The following IQSEC1 variants were observed in gnomAD, a reference collection of about 807,000 sequenced individuals.
IQSEC1 encodes IQ motif and SEC7 domain-containing protein 1.
In IQSEC1, 31 loss-of-function variants were observed where a neutral mutation model predicts 91.0. The observed-to-expected ratio is 0.34, with a 90% CI of 0.26 to 0.46. IQSEC1 has a LOEUF of 0.46. Ranked by LOEUF, IQSEC1 falls within the 20% of genes least tolerant of loss-of-function variation. The pLI is 1.00. For missense variants in IQSEC1, 1,388 were observed against 1,575.6 expected, an observed-to-expected ratio of 0.88 and a Z score of 2.02; for synonymous variants, 699 against 662.6, an observed-to-expected ratio of 1.05 and a Z score of -0.84.
At position 12,979,942 on chromosome 3, in the gene IQSEC1, G is replaced by A. The variant is rs919423408; in HGVS notation, c.24-38077C>T. ...ATACTCAAGCGAGAAATGATTTCCC[G>A]ACTACCTGAGGTGGGGGAAGGCAGC... On this transcript the variant is annotated intron_variant, in intron 1 of 13. Coordinates refer to ENST00000613206, the MANE Select transcript of IQSEC1 (RefSeq NM_001134382.3). This position sits in a 1 kb window ranked among gnomAD's most constrained non-coding sequence, Gnocchi z 4.3. 6.6e-6 allele frequency among the ~76,000 whole-genome samples: 1 copy of A among 152,188 alleles called. No homozygotes were observed. The highest frequency in any genetic ancestry group is 1.5e-5 in the Non-Finnish European group (1 of 68,034).
intron 2 of IQSEC1, among the ~76,000 whole-genome samples, chr3:13,157,085 G>A (rs935239000): frequency 3.9e-5 from 6 of 152,212 alleles, no homozygotes; most frequent in Non-Finnish European, 8.8e-5. Flanking sequence ...AGTCCTCACT[G>A]TCCCAAACAC....
intron 1 of IQSEC1, among the ~76,000 whole-genome samples, chr3:13,245,234 C>T (rs953624080): frequency 1.3e-4 from 20 of 152,168 alleles, no homozygotes; most frequent in African/African-American, 4.6e-4. Context: ...GGTGAGAAGA[C>T]TTGGCTCTCC....
intron 2 of IQSEC1, among the ~76,000 whole-genome samples, chr3:13,163,156 A>AC (rs1707208572): frequency 6.6e-6 from 1 of 151,508 alleles, no homozygotes; most frequent in Admixed American, 6.6e-5. Flanking sequence ...AAGATTCAGC[A>AC]CCCCCTGTGC....
intron 1 of IQSEC1, among the ~76,000 whole-genome samples, chr3:13,180,377 C>T (rs544982505): frequency 0.032 from 4,802 of 151,970 alleles, 245 homozygotes; most frequent in African/African-American, 0.11. Flanking sequence ...TGTGTCCACA[C>T]TCTGTATCTA....
chr3:13,215,576 C>T (rs187303699), intron 1 of IQSEC1, among the ~76,000 whole-genome samples: 1 of 152,302 alleles, frequency 6.6e-6, no homozygotes, highest in East Asian at 1.9e-4. Flanking sequence ...CCTCTTTGGT[C>T]CTGGGGCCGA....
chr3:12,901,161 TGTGCGTGCTGGATGTGCTGGG>T lies in IQSEC1; in HGVS notation c.3146_3166del (p.Pro1049_Ala1055del). 1 of 1,542,946 alleles carries T rather than the reference TGTGCGTGCTGGATGTGCTGGG, an allele frequency of 6.5e-7. No individual in the cohort carries two copies. The highest frequency in any genetic ancestry group is 8.7e-7 in the Non-Finnish European group (1 of 1,144,282). On this transcript the variant is annotated inframe_deletion, in exon 14 of 14. Coordinates refer to ENST00000613206, the MANE Select transcript of IQSEC1 (RefSeq NM_001134382.3). ...CCCATGGGGGCCGTGGTGGTACTGG[TGTGCGTGCTGGATGTGCTGGG>T]GTGGGTGGTGGTGGTGGTGATGGTG... is the stretch of plus-strand genomic sequence containing the variant.
chr3:13,262,217 G>A (rs989635900), intron 1 of IQSEC1, among the ~76,000 whole-genome samples: 9 of 152,226 alleles, frequency 5.9e-5, no homozygotes, highest in African/African-American at 2.2e-4. Flanking sequence ...CACATACTAT[G>A]CACCGGGGTC....
At chr3:13,029,524 C>T (rs1703758981) in intron 1 of IQSEC1, among the ~76,000 whole-genome samples, 1 of 152,242 alleles carries the variant, frequency 6.6e-6, no homozygotes, top group African/African-American at 2.4e-5. Flanking sequence ...TGCCTATTCA[C>T]TACCCCCTTC....
intron 1 of IQSEC1, among the ~76,000 whole-genome samples, chr3:13,219,192 C>T (rs182065541): frequency 3.3e-5 from 5 of 152,336 alleles, no homozygotes; most frequent in African/African-American, 1.2e-4. Context: ...GTCCATCCAC[C>T]TCACCAGCAG....
chr3:13,218,770 T>C (rs1694596800), intron 1 of IQSEC1, among the ~76,000 whole-genome samples: 1 of 152,108 alleles, frequency 6.6e-6, no homozygotes, highest in Non-Finnish European at 1.5e-5. Flanking sequence ...CCATTGAACA[T>C]TCTTGAGTGA....
chr3:13,248,353 T>C (rs1695140929), intron 1 of IQSEC1, among the ~76,000 whole-genome samples: 3 of 152,230 alleles, frequency 2.0e-5, no homozygotes, highest in African/African-American at 4.8e-5. Context: ...CCCCGAGCTC[T>C]GGACTTCCTG....
intron 1 of IQSEC1, among the ~76,000 whole-genome samples, chr3:12,998,690 TG>T (rs1702311760): frequency 6.6e-6 from 1 of 152,234 alleles, no homozygotes; most frequent in African/African-American, 2.4e-5. Context: ...GAATATCTGC[TG>T]GTACCTGCAT....
At chr3:13,056,874 A>G (rs1704899058) in intron 1 of IQSEC1, among the ~76,000 whole-genome samples, 1 of 152,120 alleles carries the variant, frequency 6.6e-6, no homozygotes, top group South Asian at 2.1e-4. Context: ...AAACTAAAAT[A>G]CAGAAGTTGT....
At chr3:13,055,285 C>T (rs1001362560) in intron 1 of IQSEC1, among the ~76,000 whole-genome samples, 1 of 152,210 alleles carries the variant, frequency 6.6e-6, no homozygotes, top group South Asian at 2.1e-4. Flanking sequence ...GGTAGCGAGG[C>T]GGAAGCCCTG....
chr3:13,179,691 G>T (rs565101309), intron 1 of IQSEC1, among the ~76,000 whole-genome samples: 72 of 152,370 alleles, frequency 4.7e-4, no homozygotes, highest in African/African-American at 1.7e-3. Context: ...CGGCACTGTG[G>T]GAGCCCCTTT....
At chr3:12,990,827 G>T (rs962682569) in intron 1 of IQSEC1, among the ~76,000 whole-genome samples, 1 of 152,190 alleles carries the variant, frequency 6.6e-6, no homozygotes, top group African/African-American at 2.4e-5. Context: ...TCATACAAGG[G>T]AATGATAGGT....
chr3:13,012,557 T>C (rs1702931311), intron 1 of IQSEC1, among the ~76,000 whole-genome samples: 1 of 152,200 alleles, frequency 6.6e-6, no homozygotes, highest in Non-Finnish European at 1.5e-5. Flanking sequence ...GCCTGGGCCC[T>C]ACAGCTGGCC....
At chr3:12,930,031 T>C (rs1024001378) in intron 3 of IQSEC1, among the ~76,000 whole-genome samples, 1 of 152,254 alleles carries the variant, frequency 6.6e-6, no homozygotes, top group Non-Finnish European at 1.5e-5. Flanking sequence ...GCTGAGCTGC[T>C]GGTGGGAAGA....
chr3:13,269,196 A>T (rs1025619364), intron 1 of IQSEC1, among the ~76,000 whole-genome samples: 9 of 152,242 alleles, frequency 5.9e-5, no homozygotes, highest in South Asian at 4.2e-4. Context: ...GCAAGAGAGG[A>T]ACTCAGGCCA....
Sources: allele counts gnomAD v4.1 joint callset (sites outside exome capture counted in the v4.1 genomes callset), GRCh38; gene constraint gnomAD v4.1.1; non-coding constraint Gnocchi (gnomAD v3.1); transcripts MANE v1.5; gene names NCBI Gene and HGNC (gene_info 2026-07-23, HGNC 2026-07-21).